The following HEATR5A variants were observed in gnomAD, a reference collection of about 807,000 sequenced individuals.
The protein encoded by HEATR5A is HEAT repeat containing 5A, also known as HEAT repeat-containing protein 5A.
In HEATR5A, 178 loss-of-function variants were observed where a neutral mutation model predicts 218.8. The observed-to-expected ratio is 0.81, with a 90% CI of 0.72 to 0.92. The LOEUF is 0.92. HEATR5A is among the 40% of genes least tolerant of loss of function. HEATR5A has a pLI of 0.00. For missense variants in HEATR5A, 2,420 were observed against 2,418.9 expected (o/e 1.00, Z -0.01); for synonymous variants, 864 against 871.6 (o/e 0.99, Z 0.15).
At chr14:31,322,654 C>T (rs1199018195) in intron 24 of HEATR5A, among the ~76,000 whole-genome samples, 3 of 151,580 alleles carry the variant, frequency 2.0e-5, no homozygotes, top group African/African-American at 4.8e-5. Flanking sequence ...CTCACTTCTA[C>T]AGAAAAATTA....
intron 10 of HEATR5A, among the ~76,000 whole-genome samples, chr14:31,381,748 T>C (rs757603677): frequency 9.9e-5 from 15 of 152,224 alleles, no homozygotes; most frequent in Middle Eastern, 6.8e-3. Context: ...ATCTCGCCAC[T>C]GCACTCTGGC....
Position 31,349,963 on chromosome 14 carries a change from T to C in HEATR5A, c.2534A>G (p.Lys845Arg), listed in dbSNP as rs1231802341. Residue 845 changes from lysine (K) to arginine (R), a missense_variant, in exon 18 of 36, where the codon AAG (lysine) becomes AGG (arginine). Lys to Arg is a conservative substitution (Grantham distance 26). Coordinates refer to ENST00000543095, the MANE Select transcript of HEATR5A (RefSeq NM_015473.4). ...SSFLKYVAGS[K>R]GCLGPEEMKR... is the part of the protein sequence containing the mutation. Reference sequence around the variant, plus strand: ...CATTTCTTCTGGACCTAAACATCCCTTGGAGCCAGCCACGTACTGAAATAT... The same window carrying C: ...CATTTCTTCTGGACCTAAACATCCCCTGGAGCCAGCCACGTACTGAAATAT... 1.3e-6 allele frequency: 2 copies of C among 1,583,126 alleles called. No homozygotes were observed. The highest frequency in any genetic ancestry group is 2.3e-5 in the East Asian group (1 of 44,294).
chr14:31,349,588 C>T (rs1901144947), intron 18 of HEATR5A, among the ~76,000 whole-genome samples: 1 of 152,124 alleles, frequency 6.6e-6, no homozygotes, highest in South Asian at 2.1e-4. Context: ...TATATAAAGA[C>T]TATAGCTGAA....
chr14:31,306,731 C>A lies in HEATR5A; in HGVS notation c.4966+1G>T. On this transcript the variant is annotated splice_donor_variant, in intron 31 of 35. Coordinates refer to ENST00000543095, the MANE Select transcript of HEATR5A (RefSeq NM_015473.4). LOFTEE classifies it high-confidence loss of function. ...ACTCGGCATTAAAGGTTAACATTTA[C>A]CTTCTGCACTTCGTCTTTTTTCCTT... is the stretch of plus-strand genomic sequence containing the variant. 6.2e-7 allele frequency: 1 copy of A among 1,607,462 alleles called. No individual in the cohort carries two copies. The highest frequency in any genetic ancestry group is 2.2e-5 in the East Asian group (1 of 44,734).
At position 31,291,855 on chromosome 14, in the gene HEATR5A, T is replaced by C. The variant is rs1363737909; in HGVS notation, c.*1450A>G. On this transcript the variant is annotated 3_prime_UTR_variant, in exon 36 of 36. Coordinates refer to ENST00000543095, the MANE Select transcript of HEATR5A (RefSeq NM_015473.4). The stretch of plus-strand genomic sequence containing the variant: ...GATTGTAGTGTTAGAGTTTGTCAAA[T>C]GTTTTCACTCTGAACAATTTACAAT... 1 of 152,254 alleles carries C rather than the reference T, an allele frequency of 6.6e-6. No homozygotes were observed. Among genetic ancestry groups the C allele is most frequent in the Admixed American group, 6.5e-5 (1 of 15,284 alleles). The allele number at this position is 152,254 out of a possible 1,614,324, so 9.4% of individuals were successfully genotyped here. A position where few individuals can be genotyped will look rare whatever the true frequency, so the allele number is the denominator to read the frequency against.
intron 1 of HEATR5A, among the ~76,000 whole-genome samples, chr14:31,414,445 C>T (rs2031381247): frequency 6.6e-6 from 1 of 152,062 alleles, no homozygotes; most frequent in South Asian, 2.1e-4. Flanking sequence ...AAAGAGCAAA[C>T]CCACTAAGAG....
At chr14:31,333,718 T>C (rs1900553790) in intron 22 of HEATR5A, among the ~76,000 whole-genome samples, 1 of 152,016 alleles carries the variant, frequency 6.6e-6, no homozygotes, top group South Asian at 2.1e-4. Flanking sequence ...CCATTCCAAA[T>C]ATCCCATGGT....
rs1198439906 is a variant in HEATR5A, at chr14:31,395,231, T to C, written c.565A>G (p.Arg189Gly). Residue 189 changes from arginine (R) to glycine (G), a missense_variant, in exon 5 of 36, where the codon AGA becomes GGA. Arg to Gly is a moderately radical substitution (Grantham distance 125). Transcript: ENST00000543095. ...GCAGCACAACGAACAGCCATGGATC[T>C]ATCTGTCAAGCAGGATCTAGCAGCT... ...YKAARSCLTD[R>G]SMAVRCAAAK... The C allele has an allele frequency of 3.9e-6, 6 of 1,533,164 alleles. No homozygotes were observed. The African/African-American group carries it at 6.8e-5, about 17-fold the overall frequency. 95.0% of individuals were successfully genotyped at this position (1,533,164 alleles called of 1,614,324 possible). A position where few individuals can be genotyped will look rare whatever the true frequency, so the allele number is the denominator to read the frequency against.
rs1359771887 is a variant in HEATR5A at position 31,344,831 on chromosome 14, A to G, written c.3058+256T>C. ...TAGCCATTTATTTCTTAAATAGAGAACACAGCTCTTTGGATGATTCTGCTT... is the reference window on the plus strand; with the variant it reads ...TAGCCATTTATTTCTTAAATAGAGAGCACAGCTCTTTGGATGATTCTGCTT... On this transcript the variant is annotated intron_variant, in intron 20 of 35. Coordinates refer to ENST00000543095, the MANE Select transcript of HEATR5A (RefSeq NM_015473.4). Among the ~76,000 whole-genome samples, 6 of 5,472 alleles carry G rather than the reference A, an allele frequency of 1.1e-3. 2 individuals carry two copies. Among genetic ancestry groups the G allele is most frequent in the African/African-American group, 1.6e-3 (6 of 3,868 alleles). 3.6% of individuals were successfully genotyped at this position (5,472 alleles called of 152,430 possible).
intron 26 of HEATR5A, among the ~76,000 whole-genome samples, chr14:31,316,979 T>C (rs1292788767): frequency 6.6e-6 from 1 of 152,174 alleles, no homozygotes; most frequent in Non-Finnish European, 1.5e-5. Flanking sequence ...TGAGCCACTG[T>C]GTCCAGCTGA....
At chr14:31,296,604 C>T (rs1277875187) in intron 33 of HEATR5A, 1 of 152,162 alleles carries the variant, frequency 6.6e-6, no homozygotes, top group African/African-American at 2.4e-5. Flanking sequence ...TAGCACTTTA[C>T]AAATATGATT....
chr14:31,312,201 G>A (rs537136396), intron 28 of HEATR5A, among the ~76,000 whole-genome samples: 2 of 152,262 alleles, frequency 1.3e-5, no homozygotes, highest in South Asian at 4.1e-4. Context: ...AACTCAGAAA[G>A]ATTCATTGTA....
chr14:31,351,532 GA>G, intron 16 of HEATR5A, among the ~76,000 whole-genome samples: 1 of 151,574 alleles, frequency 6.6e-6, no homozygotes, highest in Non-Finnish European at 1.5e-5. Context: ...CAATAAAAAT[GA>G]TGTGAAAAGT....
chr14:31,295,959 T>G lies in HEATR5A; in HGVS notation c.5569A>C (p.Lys1857Gln). ...GCTTTAAATTTATCAATACAGCGCT[T>G]CTGAAGGCATGGGATGGTAGTTACT... ...PEVTTIPCLQKRCIDKFKATL... is the reference protein window; with the variant it reads ...PEVTTIPCLQQRCIDKFKATL... Residue 1857 changes from lysine (K) to glutamine (Q), a missense_variant, in exon 34 of 36, where the codon AAG becomes CAG. Coordinates refer to ENST00000543095, the MANE Select transcript of HEATR5A (RefSeq NM_015473.4). The G allele has an allele frequency of 6.2e-7, 1 of 1,613,594 alleles. No individual in the cohort carries two copies. Among genetic ancestry groups the G allele is most frequent in the Non-Finnish European group, 8.5e-7 (1 of 1,179,624 alleles).
intron 17 of HEATR5A, 142 bp downstream of exon 17, chr14:31,350,470 A>C (rs1311325706): frequency 1.7e-6 from 1 of 604,174 alleles, no homozygotes; most frequent in Admixed American, 3.0e-5. Context: ...AGAATTCCAA[A>C]TCCTGAAAAC....
intron 4 of HEATR5A, among the ~76,000 whole-genome samples, chr14:31,397,084 A>C (rs991147218): frequency 2.6e-5 from 4 of 152,180 alleles, no homozygotes; most frequent in African/African-American, 9.7e-5. Flanking sequence ...TATTGCTGAG[A>C]AGTGATCTGA....
chr14:31,313,391 A>C (rs182807654), intron 27 of HEATR5A, among the ~76,000 whole-genome samples: 1 of 152,278 alleles, frequency 6.6e-6, no homozygotes, highest in Non-Finnish European at 1.5e-5. Context: ...CTTCAATGAG[A>C]TGCATTAGGG....
chr14:31,375,236 A>G (rs1201510425), intron 11 of HEATR5A, among the ~76,000 whole-genome samples: 1 of 152,184 alleles, frequency 6.6e-6, no homozygotes, highest in African/African-American at 2.4e-5. Flanking sequence ...TTTGAGACTC[A>G]GTTTCGTCTA....
intron 16 of HEATR5A, among the ~76,000 whole-genome samples, chr14:31,351,773 C>T (rs1209470341): frequency 1.3e-5 from 2 of 151,152 alleles, no homozygotes; most frequent in African/African-American, 4.9e-5. Flanking sequence ...TACCCACACC[C>T]TGCTAATTTT....
Sources: gnomAD v4.1 joint callset for allele counts (sites outside exome capture counted in the v4.1 genomes callset) on GRCh38, gnomAD v4.1.1 for gene constraint, MANE v1.5 for transcripts, NCBI Gene and HGNC (gene_info 2026-07-23, HGNC 2026-07-21) for gene names.